Variants in ZFC3H1 observed in about 807,000 individuals in gnomAD.
ZFC3H1 encodes the protein zinc finger C3H1 domain-containing protein.
A neutral mutation model predicts 243.7 loss-of-function variants in ZFC3H1; 71 were observed. The observed-to-expected ratio is 0.29, with a 90% confidence interval of 0.24 to 0.36. The LOEUF (loss-of-function observed/expected upper bound fraction) is 0.36. Among genes scored for constraint, ZFC3H1 ranks in the 10% least tolerant of loss-of-function variants. The pLI is 1.00. For missense variants in ZFC3H1, 1,966 were observed against 2,317.1 expected (o/e 0.85, Z 3.11); for synonymous variants, 838 against 813.0 (o/e 1.03, Z -0.52).
chr12:71,656,850 G>C (rs1436123176), intron 2 of ZFC3H1, 35 bp downstream of exon 2: 4 of 1,558,820 alleles, frequency 2.6e-6, no homozygotes, highest in Non-Finnish European at 2.6e-6. Flanking sequence ...AGAGGAAGAA[G>C]AGTCATTACT....
chr12:71,611,952 A>C lies in ZFC3H1; in HGVS notation c.5628-65T>G, dbSNP rs1592581008. On this transcript the variant is annotated intron_variant, in intron 31 of 34. Transcript: ENST00000378743. ...GTGTAACGAACCCCAAATGTGCTCT[A>C]TGAGCACAATGACGAAGTATAAATT... is the stretch of plus-strand genomic sequence containing the variant. 9 of 882,856 alleles carry C rather than the reference A, an allele frequency of 1.0e-5. No individual in the cohort carries two copies. The East Asian group carries it at 2.5e-4, about 24-fold the overall frequency. The allele number at this position is 882,856 out of a possible 1,614,324, so 54.7% of individuals were successfully genotyped here.
At chr12:71,650,987 C>T (rs1313477541) in intron 2 of ZFC3H1, among the ~76,000 whole-genome samples, 1 of 152,212 alleles carries the variant, frequency 6.6e-6, no homozygotes, top group Admixed American at 6.5e-5. Flanking sequence ...ATTCCCCAAA[C>T]ATGTCAGGCA....
At chr12:71,628,079 G>A in intron 20 of ZFC3H1, 145 bp from the exon 21 acceptor site, 1 of 786,686 alleles carries the variant, frequency 1.3e-6, no homozygotes, top group Non-Finnish European at 2.0e-6. Flanking sequence ...TTAAGGTAGA[G>A]CTATGACATA....
At chr12:71,661,625 G>A (rs1425986762) in intron 1 of ZFC3H1, among the ~76,000 whole-genome samples, 1 of 151,550 alleles carries the variant, frequency 6.6e-6, no homozygotes, top group South Asian at 2.1e-4. Context: ...GGAAATACAA[G>A]CACCCAACAC....
At chr12:71,644,515 C>T (rs543599188) in intron 4 of ZFC3H1, among the ~76,000 whole-genome samples, 197 bp from the exon 5 acceptor site, 1 of 152,196 alleles carries the variant, frequency 6.6e-6, no homozygotes. Flanking sequence ...TATACTTACA[C>T]ATAAATTCAA....
chr12:71,620,426 G>C, intron 24 of ZFC3H1, 111 bp from the exon 25 acceptor site: 1 of 1,032,796 alleles, frequency 9.7e-7, no homozygotes, highest in Non-Finnish European at 1.5e-6. Flanking sequence ...CCCTCCCTTT[G>C]ATTACCCATC....
intron 1 of ZFC3H1, among the ~76,000 whole-genome samples, chr12:71,658,430 A>C (rs1325300514): frequency 1.3e-5 from 2 of 151,864 alleles, no homozygotes; most frequent in African/African-American, 4.8e-5. Context: ...CTTGGATTAC[A>C]GGTGCGTGCC....
intron 1 of ZFC3H1, among the ~76,000 whole-genome samples, chr12:71,657,527 A>G (rs1881051770): frequency 1.3e-5 from 2 of 152,220 alleles, no homozygotes; most frequent in South Asian, 4.1e-4. Flanking sequence ...TCCACTTACA[A>G]AATCACTAGT....
intron 1 of ZFC3H1, among the ~76,000 whole-genome samples, chr12:71,659,863 G>C (rs1311174062): frequency 6.6e-6 from 1 of 152,150 alleles, no homozygotes; most frequent in African/African-American, 2.4e-5. Context: ...TTTTACTGAT[G>C]AGAGACACTA....
chr12:71,657,281 G>GAGA lies in ZFC3H1; in HGVS notation c.616_618dup (p.Ser206dup). The GAGA allele has an allele frequency of 6.4e-7, 1 of 1,551,350 alleles. No individual in the cohort carries two copies. Among genetic ancestry groups the GAGA allele is most frequent in the Non-Finnish European group, 8.7e-7 (1 of 1,154,202 alleles). ...GATGAATAATTTTGTTTTCTTGATG[G>GAGA]AGACCTTCCAAAACTTTTGGCTGAA... On this transcript the variant is annotated inframe_insertion, in exon 2 of 35. Transcript: ENST00000378743.
Position 71,627,801 on chromosome 12 carries a change from A to G in ZFC3H1, c.4080T>C (p.His1360=), listed in dbSNP as rs1565810469. 15 of 1,613,824 alleles carry G rather than the reference A, an allele frequency of 9.3e-6. No homozygotes were observed. The highest frequency in any genetic ancestry group is 1.2e-5 in the Non-Finnish European group (14 of 1,179,862). ...LEASVLENPS[H]VQLWLKLAYK... is the part of the protein sequence containing the mutation. Reference sequence around the variant, plus strand: ...ACGCAAGCTTGAGCCAAAGTTGTACATGAGAAGGATTTTCAAGCACACTTG... The same window carrying G: ...ACGCAAGCTTGAGCCAAAGTTGTACGTGAGAAGGATTTTCAAGCACACTTG... The change falls in exon 21 of 35, where the codon CAT becomes CAC. Residue 1360 remains histidine, a synonymous_variant. Transcript: ENST00000378743.
At chr12:71,613,030 G>C (rs886394631) in intron 31 of ZFC3H1, among the ~76,000 whole-genome samples, 1 of 152,140 alleles carries the variant, frequency 6.6e-6, no homozygotes, top group Non-Finnish European at 1.5e-5. Flanking sequence ...TGGAAAACAA[G>C]CTTACTGCTT....
intron 31 of ZFC3H1, 50 bp from the exon 32 acceptor site, chr12:71,611,937 C>A (rs745571118): frequency 1.7e-6 from 2 of 1,163,624 alleles, no homozygotes; most frequent in East Asian, 5.2e-5. Flanking sequence ...GTGTAACGAA[C>A]CCCAAATGTG....
intron 3 of ZFC3H1, among the ~76,000 whole-genome samples, chr12:71,647,229 G>A (rs561256777): frequency 4.7e-4 from 72 of 152,194 alleles, no homozygotes; most frequent in African/African-American, 1.6e-3. Context: ...CCTGTTATAC[G>A]TCAAACACAG....
intron 2 of ZFC3H1, 148 bp downstream of exon 2, chr12:71,656,737 T>C: frequency 1.2e-6 from 1 of 803,140 alleles, no homozygotes; most frequent in Non-Finnish European, 1.9e-6. Context: ...AAATTAGTAA[T>C]TATTCAATGA....
rs144809506 is a variant in ZFC3H1, at chr12:71,636,544, C to T, written c.2046G>A (p.Arg682=). The T allele has an allele frequency of 5.0e-3, 8,032 of 1,612,350 alleles. 37 individuals carry two copies. The highest frequency in any genetic ancestry group is 0.029 in the Middle Eastern group (173 of 6,058). ...IVSINTVSQP[R]IQNPKFHRGP... is the part of the protein sequence containing the mutation. ...CTCTGTGAAACTTTGGATTCTGTAT[C>T]CTAGGCTGAGACACTGTGTTAATAC... Residue 682 remains arginine (R), a synonymous_variant, in exon 9 of 35, where the codon AGG becomes AGA. Coordinates refer to ENST00000378743, the MANE Select transcript of ZFC3H1 (RefSeq NM_144982.5).
intron 22 of ZFC3H1, among the ~76,000 whole-genome samples, chr12:71,625,066 C>G (rs746235452): frequency 6.6e-6 from 1 of 152,084 alleles, no homozygotes; most frequent in Non-Finnish European, 1.5e-5. Flanking sequence ...TATTCCACAC[C>G]CTATAAAATC....
chr12:71,636,319 T>G (rs1232552947), intron 9 of ZFC3H1, among the ~76,000 whole-genome samples, 171 bp downstream of exon 9: 1 of 152,310 alleles, frequency 6.6e-6, no homozygotes, highest in East Asian at 1.9e-4. Context: ...GTGAAGGTGT[T>G]GCTCTCATTT....
Position 71,626,370 on chromosome 12 carries a change from T to C in ZFC3H1, c.4207A>G (p.Ile1403Val). ...ALENNKDNPE[I>V]WCHYLRLFSK... ...AACAATCTGAGGTAATGGCACCAAA[T>C]TTCTGGATTGTCTTTGTTATTTTCC... Residue 1403 changes from isoleucine (I) to valine (V), a missense_variant, in exon 22 of 35, where the codon ATT (isoleucine) becomes GTT (valine). Around this residue, in one of 4 missense-constraint regions of ZFC3H1, gnomAD observed 1,383 missense variants for 1,723.7 expected, o/e 0.80. Coordinates refer to ENST00000378743, the MANE Select transcript of ZFC3H1 (RefSeq NM_144982.5). 1 of 1,614,030 alleles carries C rather than the reference T, an allele frequency of 6.2e-7. No individual in the cohort carries two copies. Among genetic ancestry groups the C allele is most frequent in the Non-Finnish European group, 8.5e-7 (1 of 1,179,994 alleles).
Sources: gnomAD v4.1 joint callset for allele counts (sites outside exome capture counted in the v4.1 genomes callset) on GRCh38, gnomAD v4.1.1 for gene constraint, gnomAD v4.1.1 regional missense constraint, MANE v1.5 for transcripts, NCBI Gene and HGNC (gene_info 2026-07-23, HGNC 2026-07-21) for gene names.